The following OTX2 variants were observed in gnomAD, a reference collection of about 807,000 sequenced individuals.
OTX2 encodes homeobox protein OTX2.
A neutral mutation model predicts 29.0 loss-of-function variants in OTX2; 4 were observed. That is an observed-to-expected ratio of 0.14 (90% CI 0.07 to 0.32). The LOEUF (loss-of-function observed/expected upper bound fraction) is 0.32. OTX2 is among the 10% of genes least tolerant of loss of function. The probability of loss-of-function intolerance (pLI) is 1.00; values close to 1 mark genes in which losing one functional copy is unlikely to be tolerated. For missense variants in OTX2, 298 were observed against 365.9 expected (o/e 0.81, Z 1.51); for synonymous variants, 134 against 141.0 (o/e 0.95, Z 0.35).
At chr14:56,806,912 T>C (rs529498857) in intron 2 of OTX2, among the ~76,000 whole-genome samples, 1 of 152,258 alleles carries the variant, frequency 6.6e-6, no homozygotes, top group South Asian at 2.1e-4. Flanking sequence ...ATCTCTACTT[T>C]GAAACTTTGA....
chr14:56,802,062 C>T lies in OTX2; in HGVS notation c.567G>A (p.Gln189=), dbSNP rs1257366193. ...CATATCCTTGACTATAACCTGAAGC[C>T]TGAGTATAGGTCATGGGATAGGACC... The part of the protein sequence containing the change: ...MQRSYPMTYT[Q]ASGYSQGYAG... Residue 189 remains glutamine, a synonymous_variant, in exon 5 of 5, where the codon CAG becomes CAA. Transcript: ENST00000672264. The surrounding 1 kb of genome is among the most constrained non-coding windows in gnomAD (Gnocchi z 4.4). 5.6e-6 allele frequency: 9 copies of T among 1,614,044 alleles called. No individual in the cohort carries two copies. The highest frequency in any genetic ancestry group is 1.3e-5 in the African/African-American group (1 of 74,902).
chr14:56,801,759 G>C lies in OTX2; in HGVS notation c.870C>G (p.Ser290=). ...TTCACAAAACCTGGAATTTCCACGAGGATGTCTGATCTTTATAATCCAAGC... is the reference window on the plus strand; with the variant it reads ...TTCACAAAACCTGGAATTTCCACGACGATGTCTGATCTTTATAATCCAAGC... ...ADCLDYKDQT[S]SWKFQVL The change falls in exon 5 of 5, where the codon TCC becomes TCG. Residue 290 remains serine, a synonymous_variant. Coordinates refer to ENST00000672264, the MANE Select transcript of OTX2 (RefSeq NM_021728.4). This position sits in a 1 kb window ranked among gnomAD's most constrained non-coding sequence, Gnocchi z 4.2. 1 of 1,614,114 alleles carries C rather than the reference G, an allele frequency of 6.2e-7. No homozygotes were observed. Among genetic ancestry groups the C allele is most frequent in the Non-Finnish European group, 8.5e-7 (1 of 1,180,036 alleles).
At chr14:56,805,680 A>T (rs1363726949) in intron 2 of OTX2, 105 bp from the exon 3 acceptor site, 1 of 546,486 alleles carries the variant, frequency 1.8e-6, no homozygotes, top group African/African-American at 1.9e-5. Context: ...GGACTAGGCG[A>T]GGCAGAGGCT....
chr14:56,809,555 G>C (rs565022801), intron 2 of OTX2, among the ~76,000 whole-genome samples: 8 of 152,328 alleles, frequency 5.3e-5, no homozygotes, highest in Non-Finnish European at 1.0e-4. Context: ...CAGCCTCCTC[G>C]GTTATCCGCT....
chr14:56,801,894 A>C lies in OTX2; in HGVS notation c.735T>G (p.Ser245=). The change falls in exon 5 of 5, where the codon TCT becomes TCG. Residue 245 remains serine, a synonymous_variant. Transcript: ENST00000672264. This position sits in a 1 kb window ranked among gnomAD's most constrained non-coding sequence, Gnocchi z 4.2. ...VTSHLNQSPA[S]LSTQGYGASS... is the part of the protein sequence containing the mutation. The stretch of plus-strand genomic sequence containing the variant: ...AAGCTCCATATCCCTGGGTGGAAAG[A>C]GAAGCTGGGGACTGATTGAGATGGC... 6.2e-7 allele frequency: 1 copy of C among 1,614,222 alleles called. No individual in the cohort carries two copies. Among genetic ancestry groups the C allele is most frequent in the Non-Finnish European group, 8.5e-7 (1 of 1,180,050 alleles).
At position 56,804,172 on chromosome 14, in the gene OTX2, C is replaced by A. The variant is rs1278101138; in HGVS notation, c.273+16G>T. 1.2e-6 allele frequency: 2 copies of A among 1,614,048 alleles called. No homozygotes were observed. Among genetic ancestry groups the A allele is most frequent in the Non-Finnish European group, 1.7e-6 (2 of 1,179,942 alleles). ...GGCATGATCAGGAAGGATGGTTCTG[C>A]CTGCATCTGCCCTACCTGCACCCTC... On this transcript the variant is annotated intron_variant, in intron 4 of 4. Transcript: ENST00000672264. This position sits in a 1 kb window ranked among gnomAD's most constrained non-coding sequence, Gnocchi z 4.1.
At chr14:56,806,931 G>A (rs990820929) in intron 2 of OTX2, among the ~76,000 whole-genome samples, 1 of 152,080 alleles carries the variant, frequency 6.6e-6, no homozygotes, top group Non-Finnish European at 1.5e-5. Context: ...GACACCATGA[G>A]AGATTGCTTC....
Position 56,804,211 on chromosome 14 carries a change from T to C in OTX2, c.250A>G (p.Asn84Asp). ...FMREEVALKI[N>D]LPESRVQVWF... ...ACCTGCACCCTCGACTCGGGCAAGTTGATTTTCAGTGCCACCTCCTCTCGC... is the reference window on the plus strand; with the variant it reads ...ACCTGCACCCTCGACTCGGGCAAGTCGATTTTCAGTGCCACCTCCTCTCGC... The change falls in exon 4 of 5, where the codon AAC (asparagine) becomes GAC (aspartate). Residue 84 changes from asparagine (N) to aspartate (D), a missense_variant. Physicochemically the swap from Asn to Asp is conservative, Grantham distance 23. Coordinates refer to ENST00000672264, the MANE Select transcript of OTX2 (RefSeq NM_021728.4). The surrounding 1 kb of genome is among the most constrained non-coding windows in gnomAD (Gnocchi z 4.1). 6.2e-7 allele frequency: 1 copy of C among 1,614,150 alleles called. No homozygotes were observed. Among genetic ancestry groups the C allele is most frequent in the East Asian group, 2.2e-5 (1 of 44,874 alleles).
rs374814382 is a variant in OTX2, at chr14:56,802,399, C to T, written c.274-44G>A. 2.4e-5 allele frequency: 38 copies of T among 1,607,704 alleles called. No homozygotes were observed. The African/African-American group carries it at 3.3e-4, about 14-fold the overall frequency. On this transcript the variant is annotated intron_variant, in intron 4 of 4. Transcript: ENST00000672264. The surrounding 1 kb of genome is among the most constrained non-coding windows in gnomAD (Gnocchi z 4.4). Reference sequence around the variant, plus strand: ...TTCTTTAACTCGGTTTTGATAGTTCCTTAAGGACAAGAATGGCTCCCGTAT... The same window carrying T: ...TTCTTTAACTCGGTTTTGATAGTTCTTTAAGGACAAGAATGGCTCCCGTAT...
chr14:56,809,104 G>A (rs1011691194), intron 2 of OTX2, among the ~76,000 whole-genome samples: 11 of 152,338 alleles, frequency 7.2e-5, no homozygotes, highest in Admixed American at 6.5e-4. Flanking sequence ...AAGGGGGTGC[G>A]CGAGCGCGCG....
In OTX2 at chr14:56,799,909, TG is replaced by T. The variant is rs1240140988; in HGVS notation, c.*1825del. 1 of 152,234 alleles carries T rather than the reference TG, an allele frequency of 6.6e-6. No individual in the cohort carries two copies. Among genetic ancestry groups the T allele is most frequent in the African/African-American group, 2.4e-5 (1 of 41,464 alleles). 9.4% of individuals were successfully genotyped at this position (152,234 alleles called of 1,614,324 possible). A position where few individuals can be genotyped will look rare whatever the true frequency, so the allele number is the denominator to read the frequency against. On this transcript the variant is annotated 3_prime_UTR_variant, in exon 5 of 5. Transcript: ENST00000672264. ...TGAAATAGCCAGAAAACAAAATGGT[TG>T]CAACTGCTAACCTTCATTTAAAACG...
rs1232831265 is a variant in OTX2, at chr14:56,804,360, G to A, written c.101C>T (p.Pro34Leu). The A allele has an allele frequency of 6.2e-7, 1 of 1,612,930 alleles. No homozygotes were observed. Among genetic ancestry groups the A allele is most frequent in the Non-Finnish European group, 8.5e-7 (1 of 1,179,508 alleles). Residue 34 changes from proline (P) to leucine (L), a missense_variant, in exon 4 of 5, where the codon CCC becomes CTC. Pro to Leu is a moderately conservative substitution (Grantham distance 98). Transcript: ENST00000672264. The surrounding 1 kb of genome is among the most constrained non-coding windows in gnomAD (Gnocchi z 4.1). ...GGTGGCTGCGGGACAAGAAGCCCAG[G>A]GCCCTTTAGGGTGGGGGAGCAGTTT... Reference protein sequence around the residue: ...LLHPSVGYPGPWASCPAATPR... With the variant: ...LLHPSVGYPGLWASCPAATPR...
chr14:56,801,507 G>C lies in OTX2; in HGVS notation c.*228C>G. The stretch of plus-strand genomic sequence containing the variant: ...CACTTTGCAAATCAGGATAACCAAT[G>C]ATCTAAAACTATGACAGGATCTTAA... On this transcript the variant is annotated 3_prime_UTR_variant, in exon 5 of 5. Transcript: ENST00000672264. This position sits in a 1 kb window ranked among gnomAD's most constrained non-coding sequence, Gnocchi z 4.2. The C allele has an allele frequency of 1.7e-6, 1 of 584,168 alleles. No individual in the cohort carries two copies. Among genetic ancestry groups the C allele is most frequent in the Admixed American group, 3.0e-5 (1 of 33,502 alleles). The allele number at this position is 584,168 out of a possible 1,614,324, so 36.2% of individuals were successfully genotyped here. A position where few individuals can be genotyped will look rare whatever the true frequency, so the allele number is the denominator to read the frequency against.
intron 3 of OTX2, among the ~76,000 whole-genome samples, chr14:56,805,087 T>G (rs1464229249): frequency 1.3e-5 from 2 of 152,236 alleles, no homozygotes; most frequent in Non-Finnish European, 2.9e-5. Flanking sequence ...CCCACTCTGA[T>G]GCCAATCCTT....
intron 3 of OTX2, among the ~76,000 whole-genome samples, chr14:56,805,126 T>C (rs773386373): frequency 1.3e-5 from 2 of 152,212 alleles, no homozygotes; most frequent in Non-Finnish European, 2.9e-5. Context: ...TAAAGTGATG[T>C]GATTGTAACG....
intron 2 of OTX2, among the ~76,000 whole-genome samples, chr14:56,808,484 T>A (rs964639749): frequency 6.6e-6 from 1 of 152,026 alleles, no homozygotes; most frequent in Non-Finnish European, 1.5e-5. Context: ...ATCAAATAAC[T>A]CTGCCACCCG....
intron 2 of OTX2, among the ~76,000 whole-genome samples, chr14:56,809,252 G>A (rs1218912039): frequency 4.6e-5 from 7 of 152,298 alleles, no homozygotes; most frequent in Admixed American, 3.9e-4. Context: ...CCAGGTGCGC[G>A]CGGAGGGCTA....
Position 56,801,622 on chromosome 14 carries a change from A to G in OTX2, c.*113T>C. 1 of 1,243,222 alleles carries G rather than the reference A, an allele frequency of 8.0e-7. No homozygotes were observed. The highest frequency in any genetic ancestry group is 1.2e-5 in the South Asian group (1 of 81,906). 77.0% of individuals were successfully genotyped at this position (1,243,222 alleles called of 1,614,324 possible). A position where few individuals can be genotyped will look rare whatever the true frequency, so the allele number is the denominator to read the frequency against. On this transcript the variant is annotated 3_prime_UTR_variant, in exon 5 of 5. Transcript: ENST00000672264. This position sits in a 1 kb window ranked among gnomAD's most constrained non-coding sequence, Gnocchi z 4.2. ...TTCTATGCCTCTCGGAACTTTGATC[A>G]GATGAGTCTGAGCATCATCCCATCT...
chr14:56,806,719 C>G (rs1892099067), intron 2 of OTX2: 1 of 152,108 alleles, frequency 6.6e-6, no homozygotes, highest in South Asian at 2.1e-4. Flanking sequence ...AAGTTTCCTA[C>G]AATCCTATAA....
Sources: gnomAD v4.1 joint callset for allele counts (sites outside exome capture counted in the v4.1 genomes callset) on GRCh38, gnomAD v4.1.1 for gene constraint, Gnocchi (gnomAD v3.1) non-coding constraint, MANE v1.5 for transcripts, NCBI Gene and HGNC (gene_info 2026-07-23, HGNC 2026-07-21) for gene names.